GRXCR2: variants seen among roughly 807,000 people sequenced by gnomAD.
The protein encoded by GRXCR2 is glutaredoxin and cysteine rich domain containing 2, also known as glutaredoxin domain-containing cysteine-rich protein 2.
GRXCR2 carries 23 observed loss-of-function variants against 24.8 expected under a neutral mutation model. The ratio of observed to expected loss-of-function variants is 0.93; its 90% CI spans 0.67 to 1.32. The LOEUF (loss-of-function observed/expected upper bound fraction) is 1.32, where lower values mean the gene tolerates loss of function less well. Ranked by LOEUF, GRXCR2 falls within the 40% of genes most tolerant of loss-of-function variation. The probability of loss-of-function intolerance (pLI) is 0.00; values close to 1 mark genes in which losing one functional copy is unlikely to be tolerated. For synonymous variants in GRXCR2, 130 were observed against 116.1 expected (o/e 1.12, Z -0.77); for missense variants, 315 against 303.4 (o/e 1.04, Z -0.28).
intron 2 of GRXCR2, among the ~76,000 whole-genome samples, chr5:145,889,172 A>AAAAGAAAGAAAGAAAG (rs557521873): frequency 0.011 from 891 of 83,992 alleles, 29 homozygotes; most frequent in East Asian, 0.027. Context: ...CTGTCTCAAA[A>AAAAGAAAGAAAGAAAG]AAAGAAAGAA....
At chr5:145,903,601 C>A (rs1442544637) in intron 2 of GRXCR2, among the ~76,000 whole-genome samples, 1 of 152,090 alleles carries the variant, frequency 6.6e-6, no homozygotes, top group Non-Finnish European at 1.5e-5. Context: ...AAACCTCTAG[C>A]CATCTCTGGG....
chr5:145,872,832 T>C lies in GRXCR2; in HGVS notation c.137A>G (p.Lys46Arg). The part of the protein sequence containing the change: ...FEDGQELESP[K>R]EEYPHSFLQE... ...CAGAAAACTGTGAGGGTATTCCTCC[T>C]TTGGTGACTCTAATTCCTGCCCATC... is the stretch of plus-strand genomic sequence containing the variant. The change falls in exon 1 of 3, where the codon AAG becomes AGG. Residue 46 changes from lysine to arginine, a missense_variant. Transcript: ENST00000377976. 1.9e-6 allele frequency: 3 copies of C among 1,614,164 alleles called. No homozygotes were observed. Among genetic ancestry groups the C allele is most frequent in the East Asian group, 2.2e-5 (1 of 44,880 alleles).
upstream of GRXCR2, among the ~76,000 whole-genome samples, chr5:145,874,910 T>A (rs536816964): frequency 5.9e-5 from 9 of 152,300 alleles, no homozygotes; most frequent in South Asian, 1.9e-3. Context: ...CAGTACTCTG[T>A]CTCCTGATTT....
intron 1 of GRXCR2, among the ~76,000 whole-genome samples, chr5:145,867,734 G>T (rs1016714699): frequency 6.6e-6 from 1 of 152,206 alleles, no homozygotes; most frequent in Non-Finnish European, 1.5e-5. Flanking sequence ...GTTGTGTAGT[G>T]TGATTGTGAC....
chr5:145,886,255 C>G (rs1208061218), intron 2 of GRXCR2, among the ~76,000 whole-genome samples: 1 of 152,162 alleles, frequency 6.6e-6, no homozygotes, highest in East Asian at 1.9e-4. Context: ...AAGGTAGCAC[C>G]TGGAATATCT....
intron 2 of GRXCR2, among the ~76,000 whole-genome samples, chr5:145,898,217 G>A (rs1272630739): frequency 6.6e-6 from 1 of 151,518 alleles, no homozygotes; most frequent in Non-Finnish European, 1.5e-5. Context: ...AAAATGTAGA[G>A]CAAAGGGATA....
At chr5:145,868,264 A>G (rs405187) in intron 1 of GRXCR2, among the ~76,000 whole-genome samples, 3,167 of 152,284 alleles carry the variant, frequency 0.021, 111 homozygotes, top group African/African-American at 0.072. Context: ...ATACCTCAGC[A>G]TGAAGTATTC....
At chr5:145,919,810 CA>C (rs1290635450) in intron 2 of GRXCR2, among the ~76,000 whole-genome samples, 3 of 152,168 alleles carry the variant, frequency 2.0e-5, no homozygotes, top group Non-Finnish European at 4.4e-5. Flanking sequence ...CCAAAGAAGA[CA>C]ACAGAGAAGA....
intron 2 of GRXCR2, among the ~76,000 whole-genome samples, chr5:145,901,770 G>A (rs1432939122): frequency 2.0e-5 from 3 of 152,056 alleles, no homozygotes; most frequent in African/African-American, 4.8e-5. Flanking sequence ...GCCCTGTAGC[G>A]GGAATGTAAC....
chr5:145,859,697 A>T lies in GRXCR2; in HGVS notation c.*36T>A. ...CGGTTTATTAGAAATAACTTTAGGGAGGGTAAGATAACAGTGGACATGCAA... is the reference window on the plus strand; with the variant it reads ...CGGTTTATTAGAAATAACTTTAGGGTGGGTAAGATAACAGTGGACATGCAA... On this transcript the variant is annotated 3_prime_UTR_variant, in exon 3 of 3. Coordinates refer to ENST00000377976, the MANE Select transcript of GRXCR2 (RefSeq NM_001080516.2). The T allele has an allele frequency of 6.2e-7, 1 of 1,601,178 alleles. No homozygotes were observed. Among genetic ancestry groups the T allele is most frequent in the Non-Finnish European group, 8.6e-7 (1 of 1,168,482 alleles).
intron 2 of GRXCR2, among the ~76,000 whole-genome samples, chr5:145,862,278 C>G (rs1354526282): frequency 6.6e-6 from 1 of 152,102 alleles, no homozygotes; most frequent in Non-Finnish European, 1.5e-5. Context: ...ACCTAGTAAG[C>G]CTTCTGTAGA....
intron 2 of GRXCR2, among the ~76,000 whole-genome samples, chr5:145,889,714 G>C (rs566547392): frequency 5.9e-5 from 9 of 152,250 alleles, no homozygotes; most frequent in Non-Finnish European, 1.3e-4. Flanking sequence ...TCTAGCAATG[G>C]TCCCTACACA....
intron 2 of GRXCR2, among the ~76,000 whole-genome samples, chr5:145,924,624 A>T (rs1223902949): frequency 6.6e-6 from 1 of 152,176 alleles, no homozygotes; most frequent in East Asian, 1.9e-4. Flanking sequence ...GATGACACGA[A>T]GATTAAGAGC....
chr5:145,895,377 T>G (rs1351778397), intron 2 of GRXCR2, among the ~76,000 whole-genome samples: 1 of 152,134 alleles, frequency 6.6e-6, no homozygotes, highest in African/African-American at 2.4e-5. Flanking sequence ...ATTGTATATG[T>G]AGAAAACCCC....
At chr5:145,872,076 G>T (rs1168961523) in intron 1 of GRXCR2, among the ~76,000 whole-genome samples, 36 of 152,082 alleles carry the variant, frequency 2.4e-4, no homozygotes. Flanking sequence ...CATATCCTCT[G>T]GCTGATTTGC....
At chr5:145,912,198 G>A (rs925976311) in intron 2 of GRXCR2, among the ~76,000 whole-genome samples, 20 of 152,184 alleles carry the variant, frequency 1.3e-4, no homozygotes, top group Admixed American at 3.9e-4. Flanking sequence ...GTGCTGGGCG[G>A]ACAAAGGTCA....
At chr5:145,883,484 A>AT (rs1756733453) in intron 2 of GRXCR2, among the ~76,000 whole-genome samples, 1 of 152,190 alleles carries the variant, frequency 6.6e-6, no homozygotes, top group Admixed American at 6.5e-5. Context: ...TAAAAGATAT[A>AT]TTTTGGGTGC....
chr5:145,918,161 T>C (rs1329866878), intron 2 of GRXCR2, among the ~76,000 whole-genome samples: 1 of 152,204 alleles, frequency 6.6e-6, no homozygotes, highest in African/African-American at 2.4e-5. Context: ...ATGCTGGTAT[T>C]CCTAGAAGAC....
At chr5:145,901,297 A>C (rs551641947) in intron 2 of GRXCR2, among the ~76,000 whole-genome samples, 1 of 152,278 alleles carries the variant, frequency 6.6e-6, no homozygotes, top group African/African-American at 2.4e-5. Context: ...TGAATCTAAA[A>C]AAGTTGAAAT....
Sources: gnomAD v4.1 joint callset for allele counts (sites outside exome capture counted in the v4.1 genomes callset) on GRCh38, gnomAD v4.1.1 for gene constraint, MANE v1.5 for transcripts, NCBI Gene and HGNC (gene_info 2026-07-23, HGNC 2026-07-21) for gene names.